The following OPN5 variants were observed in gnomAD, a reference collection of about 807,000 sequenced individuals.
OPN5 encodes the protein opsin 5, also known as opsin-5.
Under a neutral mutation model 41.7 loss-of-function variants are expected in OPN5, and 18 were observed. That is an observed-to-expected ratio of 0.43 (90% CI 0.30 to 0.64). OPN5 has a LOEUF of 0.64. Ranked by LOEUF, OPN5 falls within the 30% of genes least tolerant of loss-of-function variation. The pLI is 0.13. For synonymous variants in OPN5, 178 were observed against 164.3 expected (o/e 1.08, Z -0.64); for missense variants, 318 against 434.5 (o/e 0.73, Z 2.38).
chr6:47,809,036 C>G (rs1774087364), intron 5 of OPN5, among the ~76,000 whole-genome samples: 1 of 152,098 alleles, frequency 6.6e-6, no homozygotes, highest in African/African-American at 2.4e-5. Context: ...ATGTATCCTC[C>G]TTGGTTGATA....
At chr6:47,824,792 A>G (rs949606517), downstream of OPN5, 2 of 152,138 alleles carry the variant, frequency 1.3e-5, no homozygotes, top group African/African-American at 4.8e-5. Flanking sequence ...TCTTTGAAGA[A>G]TAAGAGGTTA....
intron 6 of OPN5, among the ~76,000 whole-genome samples, chr6:47,817,406 C>T (rs912371245): frequency 8.5e-5 from 13 of 152,096 alleles, no homozygotes; most frequent in Admixed American, 4.6e-4. Flanking sequence ...ACTTTAAATA[C>T]ATAAAAGTGT....
intron 4 of OPN5, among the ~76,000 whole-genome samples, chr6:47,798,341 G>A (rs917531416): frequency 1.3e-5 from 2 of 151,390 alleles, no homozygotes; most frequent in Non-Finnish European, 2.9e-5. Context: ...TTATACATAT[G>A]AGTCAATGCT....
chr6:47,792,864 T>A (rs1017695172), intron 3 of OPN5, among the ~76,000 whole-genome samples: 1 of 151,972 alleles, frequency 6.6e-6, no homozygotes, highest in Non-Finnish European at 1.5e-5. Flanking sequence ...ACACTGTCAA[T>A]GTGGTAGAAT....
At chr6:47,823,834 G>A (rs1301439055) in intron 6 of OPN5, 149 bp from the exon 7 acceptor site, 4 of 688,924 alleles carry the variant, frequency 5.8e-6, no homozygotes, top group Non-Finnish European at 8.0e-6. Context: ...TGGGTTCGGG[G>A]AGAAGCCATC....
intron 5 of OPN5, among the ~76,000 whole-genome samples, chr6:47,809,785 G>A (rs1312711640): frequency 1.3e-5 from 2 of 152,210 alleles, no homozygotes; most frequent in African/African-American, 2.4e-5. Flanking sequence ...TCTTTCTGAA[G>A]TAATAACACT....
At chr6:47,823,908 T>C in intron 6 of OPN5, 75 bp from the exon 7 acceptor site, 1 of 1,072,994 alleles carries the variant, frequency 9.3e-7, no homozygotes, top group Non-Finnish European at 1.4e-6. Context: ...GTTTAGGCTC[T>C]GAATTTAGTT....
chr6:47,822,621 G>C (rs1762663021), intron 6 of OPN5, among the ~76,000 whole-genome samples: 1 of 152,194 alleles, frequency 6.6e-6, no homozygotes, highest in African/African-American at 2.4e-5. Flanking sequence ...TTGAGATGAA[G>C]AGGCTGGTAT....
downstream of OPN5, chr6:47,825,595 G>C (rs998785926): frequency 1.8e-4 from 28 of 152,184 alleles, no homozygotes; most frequent in African/African-American, 6.5e-4. Context: ...CACGTCCATT[G>C]AATGTTTGGT....
rs549382624 is a variant in OPN5 at position 47,796,026 on chromosome 6, A to C, written c.756+463A>C. On this transcript the variant is annotated intron_variant, in intron 4 of 6. Coordinates refer to ENST00000371211, the Ensembl canonical transcript of OPN5. The stretch of plus-strand genomic sequence containing the variant: ...ATTATTTATAGAGTAAGAGTTTACC[A>C]TGTGTGCTTTCCCATGGGAAGCTTG... Among the ~76,000 whole-genome samples, 10 of 152,266 alleles carry C rather than the reference A, an allele frequency of 6.6e-5. No individual in the cohort carries two copies. The East Asian group carries it at 1.9e-3, about 29-fold the overall frequency.
intron 3 of OPN5, 42 bp from the exon 4 acceptor site, chr6:47,795,187 A>T: frequency 7.0e-7 from 1 of 1,429,458 alleles, no homozygotes. Flanking sequence ...ATCTGGGTGT[A>T]GGGCAGATTA....
At chr6:47,798,016 A>G (rs977343413) in intron 4 of OPN5, among the ~76,000 whole-genome samples, 3 of 152,044 alleles carry the variant, frequency 2.0e-5, no homozygotes, top group African/African-American at 7.2e-5. Context: ...CTTGACTTGG[A>G]CTGGGTAGAT....
exon 7 of OPN5, chr6:47,824,168 A>G (rs944825050): frequency 1.3e-5 from 8 of 616,536 alleles, no homozygotes; most frequent in Admixed American, 2.8e-5. Context: ...GGAGTATCCA[A>G]GTATCTTAAC....
intron 4 of OPN5, among the ~76,000 whole-genome samples, chr6:47,802,547 C>A (rs1334098965): frequency 6.6e-6 from 1 of 152,104 alleles, no homozygotes; most frequent in Non-Finnish European, 1.5e-5. Flanking sequence ...CTAAACTCTG[C>A]ATGTCTATGA....
At chr6:47,823,951 C>T in intron 6 of OPN5, 32 bp from the exon 7 acceptor site, 2 of 1,537,368 alleles carry the variant, frequency 1.3e-6, no homozygotes, top group Middle Eastern at 1.7e-4. Flanking sequence ...CTGTGTGCCT[C>T]ACCCTAAAAC....
rs1389298718 is a variant in OPN5, at chr6:47,819,354, A to ATATATATATATAT, written c.1057-4629_1057-4628insTATATATATATAT. Among the ~76,000 whole-genome samples, 463 of 59,044 alleles carry ATATATATATATAT rather than the reference A, an allele frequency of 7.8e-3. 93 individuals are homozygous for ATATATATATATAT. Among genetic ancestry groups the ATATATATATATAT allele is most frequent in the East Asian group, 0.049 (39 of 792 alleles). 38.7% of individuals were successfully genotyped at this position (59,044 alleles called of 152,430 possible). ...AATTAGGAATATATATATATATATA[A>ATATATATATATAT]AAAATATATTACCGTATAAGTAGAA... On this transcript the variant is annotated intron_variant, in intron 6 of 6. Transcript: ENST00000371211.
chr6:47,811,993 C>A (rs1262196930), intron 6 of OPN5: 7 of 265,736 alleles, frequency 2.6e-5, no homozygotes, highest in Non-Finnish European at 4.2e-5. Context: ...TATTGTCATG[C>A]CAAACAGAAT....
chr6:47,815,397 G>A (rs559942933), intron 6 of OPN5, among the ~76,000 whole-genome samples: 70 of 152,240 alleles, frequency 4.6e-4, no homozygotes, highest in Non-Finnish European at 8.1e-4. Flanking sequence ...AAAAGACAAA[G>A]GAAAGGAGAG....
intron 2 of OPN5, among the ~76,000 whole-genome samples, chr6:47,789,406 G>GTT (rs35576844): frequency 5.7e-4 from 81 of 142,060 alleles, no homozygotes; most frequent in Middle Eastern, 3.7e-3. Flanking sequence ...AAATTTAGGT[G>GTT]TTTTTTTTTT....
Sources: allele counts gnomAD v4.1 joint callset (sites outside exome capture counted in the v4.1 genomes callset), GRCh38; gene constraint gnomAD v4.1.1; transcripts MANE v1.5; gene names NCBI Gene and HGNC (gene_info 2026-07-23, HGNC 2026-07-21).